Variants in CLN5 observed in about 807,000 individuals in gnomAD.
The protein encoded by CLN5 is bis(monoacylglycero)phosphate synthase CLN5.
In CLN5, 34 loss-of-function variants were observed where a neutral mutation model predicts 36.7. That is an observed-to-expected ratio of 0.93 (90% CI 0.71 to 1.23). The LOEUF (loss-of-function observed/expected upper bound fraction) is 1.23, where lower values mean the gene tolerates loss of function less well. Ranked by LOEUF, CLN5 falls within the 50% of genes most tolerant of loss-of-function variation. The pLI, the probability that CLN5 is intolerant of heterozygous loss-of-function variation, is 0.00. For synonymous variants in CLN5, 151 were observed against 155.1 expected, an observed-to-expected ratio of 0.97 and a Z score of 0.20; for missense variants, 427 against 439.4, an observed-to-expected ratio of 0.97 and a Z score of 0.25.
At position 77,000,596 on chromosome 13, in the gene CLN5, T is replaced by C. The variant is rs535755345; in HGVS notation, c.704T>C (p.Val235Ala). The change falls in exon 4 of 4, where the codon GTG becomes GCG. Residue 235 changes from valine to alanine, a missense_variant. Physicochemically the swap from Val to Ala is moderately conservative, Grantham distance 64 (BLOSUM62 0). Transcript: ENST00000377453. ...GATTCCTACGACTGTTCCAAATTTGTGTTAAGGACCTTTAACAAGTTGGCT... is the reference window on the plus strand; with the variant it reads ...GATTCCTACGACTGTTCCAAATTTGCGTTAAGGACCTTTAACAAGTTGGCT... ...WFDSYDCSKF[V>A]LRTFNKLAEF... 2 of 1,614,138 alleles carry C rather than the reference T, an allele frequency of 1.2e-6. No homozygotes were observed. The highest frequency in any genetic ancestry group is 3.3e-5 in the Admixed American group (2 of 60,022).
At position 76,996,118 on chromosome 13, in the gene CLN5, A is replaced by C. The variant is rs1203597595; in HGVS notation, c.556A>C (p.Thr186Pro). ...KENGTLVQVATISGNMFNQMA... is the reference protein window; with the variant it reads ...KENGTLVQVAPISGNMFNQMA... Reference sequence around the variant, plus strand: ...AAATGGGACATTAGTTCAAGTAGCAACTATATCAGGTAAGTTGTGAAAATA... The same window carrying C: ...AAATGGGACATTAGTTCAAGTAGCACCTATATCAGGTAAGTTGTGAAAATA... The change falls in exon 3 of 4, where the codon ACT becomes CCT. Residue 186 changes from threonine to proline, a missense_variant. By Grantham distance (38) the Thr-to-Pro change is conservative (BLOSUM62 -1). Coordinates refer to ENST00000377453, the MANE Select transcript of CLN5 (RefSeq NM_006493.4). 1 of 1,612,824 alleles carries C rather than the reference A, an allele frequency of 6.2e-7. No homozygotes were observed. The highest frequency in any genetic ancestry group is 1.7e-5 in the Admixed American group (1 of 60,032).
chr13:77,000,722 G>A lies in CLN5; in HGVS notation c.830G>A (p.Gly277Glu), dbSNP rs780204258. Residue 277 changes from glycine (G) to glutamate (E), a missense_variant, in exon 4 of 4, where the codon GGG (glycine) becomes GAG (glutamate). Physicochemically the swap from Gly to Glu is moderately conservative, Grantham distance 98. Coordinates refer to ENST00000377453, the MANE Select transcript of CLN5 (RefSeq NM_006493.4). ...CTGGGAAATGAAACATCTGTTTTTG[G>A]GCCAACAGGAAACAAGACTCTTGGT... is the stretch of plus-strand genomic sequence containing the variant. ...TYLGNETSVF[G>E]PTGNKTLGLA... is the part of the protein sequence containing the mutation. The A allele has an allele frequency of 1.9e-6, 3 of 1,614,032 alleles. No individual in the cohort carries two copies. Among genetic ancestry groups the A allele is most frequent in the African/African-American group, 2.7e-5 (2 of 75,010 alleles).
At chr13:76,992,604 T>A (rs1347755506) in intron 1 of CLN5, 2 of 440,330 alleles carry the variant, frequency 4.5e-6, no homozygotes, top group Non-Finnish European at 4.0e-6. Context: ...TTGAGTAGTT[T>A]AAAAACACTG....
At chr13:76,996,193 A>G (rs2034265696) in intron 3 of CLN5, 66 bp downstream of exon 3, 1 of 1,244,246 alleles carries the variant, frequency 8.0e-7, no homozygotes, top group South Asian at 1.2e-5. Context: ...AAATTGTTAT[A>G]CTTCCATTGA....
At position 77,001,076 on chromosome 13, in the gene CLN5, G is replaced by A; in HGVS notation, c.*107G>A. The A allele has an allele frequency of 1.0e-6, 1 of 968,944 alleles. No homozygotes were observed. Among genetic ancestry groups the A allele is most frequent in the Admixed American group, 2.2e-5 (1 of 45,428 alleles). 60.0% of individuals were successfully genotyped at this position (968,944 alleles called of 1,614,324 possible). On this transcript the variant is annotated 3_prime_UTR_variant, in exon 4 of 4. Coordinates refer to ENST00000377453, the MANE Select transcript of CLN5 (RefSeq NM_006493.4). ...TAGCCTTTCTTCCTTGGTGCATAAA[G>A]TTAAAATGCACATCAGCAGAATTGC...
chr13:76,995,673 G>A (rs1030981340), intron 2 of CLN5: 4 of 592,162 alleles, frequency 6.8e-6, no homozygotes, highest in Non-Finnish European at 9.0e-6. Flanking sequence ...TAACATGCAG[G>A]CCTCCTATTT....
intron 3 of CLN5, chr13:76,999,744 T>C (rs1250718156): frequency 6.6e-6 from 1 of 152,254 alleles, no homozygotes; most frequent in Non-Finnish European, 1.5e-5. Context: ...TTTTCCTCTT[T>C]CGCAATTCTT....
In CLN5 at chr13:77,003,531, CAT is replaced by C. The variant is rs1314620786; in HGVS notation, c.*2564_*2565del. The C allele has an allele frequency of 3.3e-5, 5 of 152,216 alleles. No individual in the cohort carries two copies. Among genetic ancestry groups the C allele is most frequent in the African/African-American group, 9.7e-5 (4 of 41,450 alleles). 9.4% of individuals were successfully genotyped at this position (152,216 alleles called of 1,614,324 possible). A position where few individuals can be genotyped will look rare whatever the true frequency, so the allele number is the denominator to read the frequency against. ...CAAAATAGTAGTTGAGAAACCAAAACATAGCCACGCAGAAATCTGCCAATTAA... is the reference window on the plus strand; with the variant it reads ...CAAAATAGTAGTTGAGAAACCAAAACAGCCACGCAGAAATCTGCCAATTAA... On this transcript the variant is annotated 3_prime_UTR_variant, in exon 4 of 4. Coordinates refer to ENST00000377453, the MANE Select transcript of CLN5 (RefSeq NM_006493.4).
chr13:76,995,554 T>G, intron 2 of CLN5: 2 of 487,322 alleles, frequency 4.1e-6, no homozygotes, highest in Non-Finnish European at 7.4e-6. Context: ...TAGTCACTTT[T>G]CCAGGTTAAC....
At position 76,995,150 on chromosome 13, in the gene CLN5, G is replaced by A. The variant is rs768282295; in HGVS notation, c.261G>A (p.Glu87=). The stretch of plus-strand genomic sequence containing the variant: ...CTGGCTCACCTATCCCAGTTATGGA[G>A]GGTGATGATGACATTGAAGTTTTTC... ...CPTGSPIPVM[E]GDDDIEVFRL... Residue 87 remains glutamate (E), a synonymous_variant, in exon 2 of 4, where the codon GAG becomes GAA. Coordinates refer to ENST00000377453, the MANE Select transcript of CLN5 (RefSeq NM_006493.4). 2 of 1,614,102 alleles carry A rather than the reference G, an allele frequency of 1.2e-6. No individual in the cohort carries two copies. Among genetic ancestry groups the A allele is most frequent in the Admixed American group, 1.7e-5 (1 of 60,030 alleles).
rs970813924 is a variant in CLN5, at chr13:77,004,132, C to T, written c.*3163C>T. On this transcript the variant is annotated 3_prime_UTR_variant, in exon 4 of 4. Coordinates refer to ENST00000377453, the MANE Select transcript of CLN5 (RefSeq NM_006493.4). ...AAACCTACTAACTTTATTTGGAACC[C>T]TCAATATTGGTGGCTCCTTAAAAAT... 1 of 152,076 alleles carries T rather than the reference C, an allele frequency of 6.6e-6. No individual in the cohort carries two copies. The highest frequency in any genetic ancestry group is 6.6e-5 in the Admixed American group (1 of 15,266). The allele number at this position is 152,076 out of a possible 1,614,324, so 9.4% of individuals were successfully genotyped here. A position where few individuals can be genotyped will look rare whatever the true frequency, so the allele number is the denominator to read the frequency against.
Position 77,001,296 on chromosome 13 carries a change from A to T in CLN5, c.*327A>T. 5.9e-6 allele frequency: 1 copy of T among 169,930 alleles called. No homozygotes were observed. Among genetic ancestry groups the T allele is most frequent in the Non-Finnish European group, 1.2e-5 (1 of 80,580 alleles). 10.5% of individuals were successfully genotyped at this position (169,930 alleles called of 1,614,324 possible). ...GATAGATATGGTGTGCCCAGATTTT[A>T]AAAATACCTTCAAAAATAAAAAATA... On this transcript the variant is annotated 3_prime_UTR_variant, in exon 4 of 4. Transcript: ENST00000377453.
At position 76,992,361 on chromosome 13, in the gene CLN5, G is replaced by A. The variant is rs2034195430; in HGVS notation, c.173+90G>A. On this transcript the variant is annotated intron_variant, in intron 1 of 3. Coordinates refer to ENST00000377453, the MANE Select transcript of CLN5 (RefSeq NM_006493.4). Reference sequence around the variant, plus strand: ...TGGGGCGGGGACCCCTGCTCACCGTGGTTTGTGTCGGGTCACGAGATGGTG... The same window carrying A: ...TGGGGCGGGGACCCCTGCTCACCGTAGTTTGTGTCGGGTCACGAGATGGTG... The A allele has an allele frequency of 9.6e-6, 13 of 1,360,396 alleles. No homozygotes were observed. The East Asian group carries it at 2.3e-4, about 25-fold the overall frequency. 84.3% of individuals were successfully genotyped at this position (1,360,396 alleles called of 1,614,324 possible). A position where few individuals can be genotyped will look rare whatever the true frequency, so the allele number is the denominator to read the frequency against.
At chr13:76,997,129 C>G (rs901373594) in intron 3 of CLN5, 1 of 150,798 alleles carries the variant, frequency 6.6e-6, no homozygotes, top group African/African-American at 2.5e-5. Flanking sequence ...TAGCCACCCC[C>G]ACCCCGCCTT....
chr13:76,996,102 A>G lies in CLN5; in HGVS notation c.540A>G (p.Thr180=), dbSNP rs1566219263. The G allele has an allele frequency of 6.2e-7, 1 of 1,614,190 alleles. No homozygotes were observed. The highest frequency in any genetic ancestry group is 8.5e-7 in the Non-Finnish European group (1 of 1,179,982). The change falls in exon 3 of 4, where the codon ACA becomes ACG. Residue 180 remains threonine, a synonymous_variant. Coordinates refer to ENST00000377453, the MANE Select transcript of CLN5 (RefSeq NM_006493.4). The part of the protein sequence containing the change: ...IDDVHWKENG[T]LVQVATISGN... ...ATGTTCACTGGAAGGAAAATGGGACATTAGTTCAAGTAGCAACTATATCAG... is the reference window on the plus strand; with the variant it reads ...ATGTTCACTGGAAGGAAAATGGGACGTTAGTTCAAGTAGCAACTATATCAG...
Position 77,002,032 on chromosome 13 carries a change from G to T in CLN5, c.*1063G>T, listed in dbSNP as rs964667613. 1.3e-5 allele frequency: 2 copies of T among 152,192 alleles called. No individual in the cohort carries two copies. The highest frequency in any genetic ancestry group is 6.5e-5 in the Admixed American group (1 of 15,284). 9.4% of individuals were successfully genotyped at this position (152,192 alleles called of 1,614,324 possible). On this transcript the variant is annotated 3_prime_UTR_variant, in exon 4 of 4. Coordinates refer to ENST00000377453, the MANE Select transcript of CLN5 (RefSeq NM_006493.4). Reference sequence around the variant, plus strand: ...TTTCAAGGTCCTTTAAGTATTTGATGATCAACTGAACACGTTTCTATTCAA... The same window carrying T: ...TTTCAAGGTCCTTTAAGTATTTGATTATCAACTGAACACGTTTCTATTCAA...
At position 77,000,939 on chromosome 13, in the gene CLN5, T is replaced by A. The variant is rs775266818; in HGVS notation, c.1047T>A (p.Pro349=). 7 of 1,604,694 alleles carry A rather than the reference T, an allele frequency of 4.4e-6. No homozygotes were observed. In the African/African-American group the frequency reaches 6.7e-5, roughly 15 times the overall value. ...TAACATATGAAGAAATCCCTTTACC[T>A]ATCAGAAACAAAACACTCTCTGGTT... ...IKITYEEIPL[P]IRNKTLSGL The change falls in exon 4 of 4, where the codon CCT becomes CCA. Residue 349 remains proline, a synonymous_variant. Transcript: ENST00000377453.
intron 1 of CLN5, chr13:76,993,559 G>A (rs557248195): frequency 6.6e-6 from 1 of 151,848 alleles, no homozygotes. Flanking sequence ...TTTTTTTTAA[G>A]TCTCAGATAT....
intron 3 of CLN5, chr13:76,996,470 C>T (rs968197334): frequency 1.5e-5 from 4 of 275,658 alleles, no homozygotes; most frequent in African/African-American, 2.3e-5. Flanking sequence ...TTTTCCCCGA[C>T]TTCCCAAAGT....
Sources: gnomAD v4.1 joint callset for allele counts on GRCh38, gnomAD v4.1.1 for gene constraint, MANE v1.5 for transcripts, NCBI Gene and HGNC (gene_info 2026-07-23, HGNC 2026-07-21) for gene names.